KANSL2: variants seen among roughly 807,000 people sequenced by gnomAD.
KANSL2 encodes the protein KAT8 regulatory NSL complex subunit 2, also known as NSL complex protein NSL2.
In KANSL2, 34 loss-of-function variants were observed where a neutral mutation model predicts 55.6. The observed-to-expected ratio is 0.61, with a 90% confidence interval of 0.46 to 0.81. The LOEUF (loss-of-function observed/expected upper bound fraction) is 0.81, where lower values mean the gene tolerates loss of function less well. Among genes scored for constraint, KANSL2 ranks in the 40% least tolerant of loss-of-function variants. The pLI is 0.00. For synonymous variants in KANSL2, 209 were observed against 214.3 expected, an observed-to-expected ratio of 0.98 and a Z score of 0.22; for missense variants, 502 against 609.9, an observed-to-expected ratio of 0.82 and a Z score of 1.86.
chr12:48,680,163 G>A (rs996856805), intron 2 of KANSL2: 11 of 191,772 alleles, frequency 5.7e-5, no homozygotes, highest in East Asian at 1.3e-4. Flanking sequence ...TGGTTCAAGC[G>A]ATCCTCCTGC....
At chr12:48,658,264 A>G (rs754894487) in intron 8 of KANSL2, among the ~76,000 whole-genome samples, 1 of 151,982 alleles carries the variant, frequency 6.6e-6, no homozygotes, top group Non-Finnish European at 1.5e-5. Context: ...TTATTTAAAC[A>G]CTGAATCAAA....
intron 3 of KANSL2, 99 bp from the exon 4 acceptor site, chr12:48,679,249 TA>T: frequency 1.2e-6 from 1 of 839,322 alleles, no homozygotes. Context: ...CTTGAAATTT[TA>T]AAAACAAAAC....
chr12:48,669,711 C>T (rs1273749253), intron 5 of KANSL2, among the ~76,000 whole-genome samples: 1 of 151,642 alleles, frequency 6.6e-6, no homozygotes, highest in African/African-American at 2.4e-5. Context: ...TTAGTAGAGA[C>T]AGGGTTTCAT....
In KANSL2 at chr12:48,653,781, G is replaced by A. The variant is rs1187141878; in HGVS notation, c.*263C>T. 9.2e-6 allele frequency: 3 copies of A among 326,706 alleles called. No homozygotes were observed. Among genetic ancestry groups the A allele is most frequent in the Non-Finnish European group, 1.7e-5 (3 of 181,546 alleles). The allele number at this position is 326,706 out of a possible 1,614,324, so 20.2% of individuals were successfully genotyped here. A position where few individuals can be genotyped will look rare whatever the true frequency, so the allele number is the denominator to read the frequency against. On this transcript the variant is annotated 3_prime_UTR_variant, in exon 10 of 10. Coordinates refer to ENST00000420613, the MANE Select transcript of KANSL2 (RefSeq NM_017822.4). ...ATGACTTGGGAAATCCCATTACAAA[G>A]ATGTCACTTTCCTTTTAGGTATAGT... is the stretch of plus-strand genomic sequence containing the variant.
chr12:48,659,858 C>T (rs1222319771), intron 8 of KANSL2, among the ~76,000 whole-genome samples: 1 of 152,060 alleles, frequency 6.6e-6, no homozygotes, highest in African/African-American at 2.4e-5. Flanking sequence ...ATGGATAAAC[C>T]TTGAAAACAT....
intron 9 of KANSL2, chr12:48,654,422 T>G (rs774154828): frequency 6.8e-6 from 5 of 730,636 alleles, no homozygotes; most frequent in Non-Finnish European, 7.8e-6. Flanking sequence ...CCTACTGAGG[T>G]CCCAGAACAG....
In KANSL2 at chr12:48,667,436, C is replaced by T. The variant is rs1345620621; in HGVS notation, c.973+257G>A. On this transcript the variant is annotated intron_variant, in intron 7 of 9. Transcript: ENST00000420613. ...TATTAAGGCTATAAATAAATATTAGCCCACATCTATGAAAAACGACTCATG... is the reference window on the plus strand; with the variant it reads ...TATTAAGGCTATAAATAAATATTAGTCCACATCTATGAAAAACGACTCATG... 7.1e-6 allele frequency: 4 copies of T among 561,276 alleles called. No homozygotes were observed. In the African/African-American group the frequency reaches 7.5e-5, roughly 11 times the overall value. 34.8% of individuals were successfully genotyped at this position (561,276 alleles called of 1,614,324 possible). A position where few individuals can be genotyped will look rare whatever the true frequency, so the allele number is the denominator to read the frequency against.
chr12:48,672,071 T>C (rs2137195736), intron 4 of KANSL2, 109 bp from the exon 5 acceptor site: 1 of 867,342 alleles, frequency 1.2e-6, no homozygotes, highest in East Asian at 2.7e-5. Context: ...AGTGGTGACA[T>C]AATCACCTTA....
intron 8 of KANSL2, among the ~76,000 whole-genome samples, chr12:48,658,275 A>C (rs2137176734): frequency 6.6e-6 from 1 of 152,262 alleles, no homozygotes; most frequent in South Asian, 2.1e-4. Context: ...CTGAATCAAA[A>C]GGCATCTAAA....
In KANSL2 at chr12:48,655,197, C is replaced by T. The variant is rs1939353870; in HGVS notation, c.1228-137G>A. 4.0e-6 allele frequency: 3 copies of T among 758,564 alleles called. No individual in the cohort carries two copies. The Admixed American group carries it at 9.0e-5, about 23-fold the overall frequency. The allele number at this position is 758,564 out of a possible 1,614,324, so 47.0% of individuals were successfully genotyped here. A position where few individuals can be genotyped will look rare whatever the true frequency, so the allele number is the denominator to read the frequency against. Reference sequence around the variant, plus strand: ...TACCTTTAATAAAAAAAAAATTTTACAAGAGCGTCCAACAAATGAAACAAG... The same window carrying T: ...TACCTTTAATAAAAAAAAAATTTTATAAGAGCGTCCAACAAATGAAACAAG... On this transcript the variant is annotated intron_variant, in intron 8 of 9. Coordinates refer to ENST00000420613, the MANE Select transcript of KANSL2 (RefSeq NM_017822.4).
At chr12:48,672,401 A>ACG (rs1243553233) in intron 4 of KANSL2, among the ~76,000 whole-genome samples, 4 of 131,578 alleles carry the variant, frequency 3.0e-5, no homozygotes, top group African/African-American at 5.6e-5. Flanking sequence ...ATGTATATAT[A>ACG]TATATACGTA....
chr12:48,658,961 T>C (rs1041607938), intron 8 of KANSL2, among the ~76,000 whole-genome samples: 6 of 152,210 alleles, frequency 3.9e-5, no homozygotes, highest in African/African-American at 1.4e-4. Context: ...TAATATCTGA[T>C]GCCTAGTCTT....
chr12:48,669,189 G>A lies in KANSL2; in HGVS notation c.793C>T (p.Arg265Cys), dbSNP rs1291791372. 1.3e-6 allele frequency: 2 copies of A among 1,555,786 alleles called. No homozygotes were observed. The highest frequency in any genetic ancestry group is 8.7e-7 in the Non-Finnish European group (1 of 1,148,992). Residue 265 changes from arginine (R) to cysteine (C), a missense_variant, in exon 6 of 10, where the codon CGC (arginine) becomes TGC (cysteine). By Grantham distance (180) the Arg-to-Cys change is radical. Transcript: ENST00000420613. The stretch of plus-strand genomic sequence containing the variant: ...AAGGCTTCCACTCCATAGCGCTGGC[G>A]GTATCGTCGCAGACATTTTAATCGC... ...LKRLKCLRRY[R>C]QRYGVEALLH...
chr12:48,665,824 A>C (rs1287322085), intron 7 of KANSL2, among the ~76,000 whole-genome samples: 1 of 152,230 alleles, frequency 6.6e-6, no homozygotes, highest in South Asian at 2.1e-4. Flanking sequence ...AGAAGAAAAA[A>C]AGCATCTCAT....
intron 9 of KANSL2, 136 bp from the exon 10 acceptor site, chr12:48,654,311 C>G (rs1939335848): frequency 4.2e-6 from 4 of 942,904 alleles, no homozygotes; most frequent in Admixed American, 3.6e-5. Context: ...AGATGCTCTT[C>G]CCATATTAGC....
intron 8 of KANSL2, 91 bp from the exon 9 acceptor site, chr12:48,655,151 C>T (rs1392772422): frequency 2.4e-6 from 3 of 1,266,402 alleles, no homozygotes; most frequent in Non-Finnish European, 3.3e-6. Context: ...CAATACTCTG[C>T]TGTCTCCCTC....
At position 48,681,840 on chromosome 12, in the gene KANSL2, C is replaced by G. The variant is rs1451662709; in HGVS notation, c.-9-199G>C. On this transcript the variant is annotated intron_variant, in intron 1 of 9. Coordinates refer to ENST00000420613, the MANE Select transcript of KANSL2 (RefSeq NM_017822.4). ...CTTTAGCGTGTCCCTCCATGCCCGG[C>G]CCCACCCCGAACCACACCACGCTGA... 4 of 716,096 alleles carry G rather than the reference C, an allele frequency of 5.6e-6. No homozygotes were observed. In the East Asian group the frequency reaches 1.1e-4, roughly 19 times the overall value. 44.4% of individuals were successfully genotyped at this position (716,096 alleles called of 1,614,324 possible).
intron 4 of KANSL2, among the ~76,000 whole-genome samples, chr12:48,673,820 G>A (rs1228282068): frequency 6.6e-6 from 1 of 151,930 alleles, no homozygotes; most frequent in African/African-American, 2.4e-5. Flanking sequence ...GCACGGTGGT[G>A]TATACCTGTA....
intron 4 of KANSL2, among the ~76,000 whole-genome samples, chr12:48,677,708 C>T (rs1939848245): frequency 7.2e-6 from 1 of 138,358 alleles, no homozygotes; most frequent in South Asian, 2.3e-4. Context: ...TTGCTTGAAC[C>T]TGGGAGGCGG....
Sources: gnomAD v4.1 joint callset for allele counts (sites outside exome capture counted in the v4.1 genomes callset) on GRCh38, gnomAD v4.1.1 for gene constraint, MANE v1.5 for transcripts, NCBI Gene and HGNC (gene_info 2026-07-23, HGNC 2026-07-21) for gene names.